The following CTNNA2 variants were observed in gnomAD, a reference collection of about 807,000 sequenced individuals.
The protein encoded by CTNNA2 is catenin alpha-2.
A neutral mutation model predicts 101.0 loss-of-function variants in CTNNA2; 42 were observed. That is an observed-to-expected ratio of 0.42 (90% confidence interval 0.32 to 0.54). The LOEUF is 0.54. Ranked by LOEUF, CTNNA2 falls within the 20% of genes least tolerant of loss-of-function variation. The pLI is 0.14. For synonymous variants in CTNNA2, 450 were observed against 456.4 expected, an observed-to-expected ratio of 0.99 and a Z score of 0.18; for missense variants, 871 against 1,223.1, an observed-to-expected ratio of 0.71 and a Z score of 4.29.
At chr2:79,513,637 T>C (rs1287443547) in intron 1 of CTNNA2, among the ~76,000 whole-genome samples, 1 of 151,728 alleles carries the variant, frequency 6.6e-6, no homozygotes, top group Non-Finnish European at 1.5e-5. Flanking sequence ...CCCTGCAGAT[T>C]CCTAAATTTT....
At chr2:79,731,344 C>T (rs1036973768) in intron 2 of CTNNA2, among the ~76,000 whole-genome samples, 6 of 152,006 alleles carry the variant, frequency 3.9e-5, no homozygotes, top group Non-Finnish European at 7.4e-5. Flanking sequence ...CCTGTACTCT[C>T]GAGTCATCTA....
At chr2:79,486,594 A>C (rs550406509) in intron 4 of CTNNA2, among the ~76,000 whole-genome samples, 24 of 152,250 alleles carry the variant, frequency 1.6e-4, no homozygotes, top group African/African-American at 5.8e-4. Flanking sequence ...ATACCCAGTA[A>C]TGGGATGGCT....
intron 7 of CTNNA2, among the ~76,000 whole-genome samples, chr2:80,312,994 A>G (rs1359532371): frequency 6.6e-6 from 1 of 152,248 alleles, no homozygotes; most frequent in African/African-American, 2.4e-5. Context: ...TTTATTAACT[A>G]GTTTGAATGC....
chr2:79,227,276 A>G (rs186168537), intron 2 of CTNNA2, among the ~76,000 whole-genome samples: 153 of 152,316 alleles, frequency 1.0e-3, no homozygotes, highest in African/African-American at 3.3e-3. Flanking sequence ...AACGTATGCA[A>G]TGAACCCAGG....
chr2:79,357,317 C>A (rs758454075), intron 3 of CTNNA2, among the ~76,000 whole-genome samples: 1 of 152,040 alleles, frequency 6.6e-6, no homozygotes, highest in Non-Finnish European at 1.5e-5. Flanking sequence ...CAGAGTAAGA[C>A]CCTGTCTCAA....
At chr2:79,471,474 G>A (rs1289147063) in intron 4 of CTNNA2, among the ~76,000 whole-genome samples, 1 of 152,084 alleles carries the variant, frequency 6.6e-6, no homozygotes, top group Non-Finnish European at 1.5e-5. Context: ...CTTAATAAGG[G>A]CACTTATCCC....
intron 2 of CTNNA2, among the ~76,000 whole-genome samples, chr2:79,244,543 T>C (rs1674674093): frequency 6.6e-6 from 1 of 152,150 alleles, no homozygotes. Flanking sequence ...ACAGAAGCTA[T>C]GGGGAGGAAA....
chr2:79,959,549 T>A (rs1166344373), intron 7 of CTNNA2, among the ~76,000 whole-genome samples: 1 of 152,134 alleles, frequency 6.6e-6, no homozygotes, highest in African/African-American at 2.4e-5. Context: ...AAATGCAGGA[T>A]TCCTGGAAGG....
chr2:79,265,482 G>A (rs1674976384), intron 2 of CTNNA2, among the ~76,000 whole-genome samples: 1 of 152,102 alleles, frequency 6.6e-6, no homozygotes, highest in Non-Finnish European at 1.5e-5. Context: ...TCTTCAAAAT[G>A]AGGATGCTGT....
intron 7 of CTNNA2, among the ~76,000 whole-genome samples, chr2:80,049,250 C>A (rs1239314838): frequency 6.6e-6 from 1 of 152,094 alleles, no homozygotes; most frequent in African/African-American, 2.4e-5. Context: ...AGACCATGTG[C>A]ATTGGGTCAG....
chr2:79,297,962 T>G (rs1173463690), intron 2 of CTNNA2, among the ~76,000 whole-genome samples: 2 of 152,192 alleles, frequency 1.3e-5, no homozygotes, highest in African/African-American at 4.8e-5. Flanking sequence ...TTCCAACATT[T>G]TGTGCAATTG....
intron 4 of CTNNA2, among the ~76,000 whole-genome samples, chr2:79,860,161 T>A (rs1320676668): frequency 6.6e-6 from 1 of 152,240 alleles, no homozygotes; most frequent in African/African-American, 2.4e-5. Flanking sequence ...TACAGCCTAG[T>A]TAGTCTCCGA....
At chr2:80,064,240 G>A (rs1462480259) in intron 7 of CTNNA2, among the ~76,000 whole-genome samples, 1 of 152,194 alleles carries the variant, frequency 6.6e-6, no homozygotes, top group Non-Finnish European at 1.5e-5. Context: ...GAATAGTCAT[G>A]TGGTAACTTG....
chr2:79,550,291 G>C (rs996373515), intron 1 of CTNNA2, among the ~76,000 whole-genome samples: 3 of 152,134 alleles, frequency 2.0e-5, no homozygotes, highest in Non-Finnish European at 4.4e-5. Flanking sequence ...TAGAACTTCG[G>C]ACCTTTAAAT....
intron 7 of CTNNA2, among the ~76,000 whole-genome samples, chr2:80,098,758 C>T (rs1700345367): frequency 1.3e-5 from 2 of 152,202 alleles, no homozygotes; most frequent in African/African-American, 4.8e-5. Context: ...TCTCAGACTG[C>T]TGTGCTAGCA....
chr2:80,169,930 T>C (rs1286393479), intron 7 of CTNNA2, among the ~76,000 whole-genome samples: 1 of 152,206 alleles, frequency 6.6e-6, no homozygotes, highest in Non-Finnish European at 1.5e-5. Flanking sequence ...ATATTTGTAA[T>C]CAGAGTTAGC....
At chr2:80,253,594 C>T (rs1671925737) in intron 7 of CTNNA2, among the ~76,000 whole-genome samples, 1 of 152,128 alleles carries the variant, frequency 6.6e-6, no homozygotes, top group Non-Finnish European at 1.5e-5. Context: ...GTATCTCCTT[C>T]ACCTCTCATG....
At chr2:80,404,555 TGAG>T (rs1055216851) in intron 8 of CTNNA2, among the ~76,000 whole-genome samples, 14 of 152,086 alleles carry the variant, frequency 9.2e-5, no homozygotes, top group Admixed American at 5.2e-4. Context: ...ACCCCCAAAA[TGAG>T]GAGATGGGTA....
intron 3 of CTNNA2, among the ~76,000 whole-genome samples, chr2:79,320,401 G>A (rs566574653): frequency 1.3e-5 from 2 of 151,664 alleles, no homozygotes; most frequent in Admixed American, 6.6e-5. Context: ...ATGCCCCTTG[G>A]AGGGCATAAC....
Sources: gnomAD v4.1 joint callset for allele counts (sites outside exome capture counted in the v4.1 genomes callset) on GRCh38, gnomAD v4.1.1 for gene constraint, MANE v1.5 for transcripts, NCBI Gene and HGNC (gene_info 2026-07-23, HGNC 2026-07-21) for gene names.